CIMAP1A: variants seen among roughly 807,000 people sequenced by gnomAD.
CIMAP1A encodes the protein ciliary microtubule associated protein 1A.
the CIMAP1A span, chr11:198,795 A>G: frequency 7.0e-7 from 1 of 1,423,560 alleles, no homozygotes. Flanking sequence ...CCCTGGCCCC[A>G]GCATGGACCG....
chr11:198,746 G>A, the CIMAP1A span: 15 of 1,452,912 alleles, frequency 1.0e-5, no homozygotes, highest in African/African-American at 2.0e-4. Flanking sequence ...TTACACTGCA[G>A]TGGTGAGGAG....
At chr11:198,751 G>C in the CIMAP1A span, 13 of 1,449,262 alleles carry the variant, frequency 9.0e-6, no homozygotes, top group African/African-American at 1.9e-4. Flanking sequence ...CTGCAGTGGT[G>C]AGGAGGGGCA....
the CIMAP1A span, chr11:197,244 A>G: frequency 1.6e-6 from 2 of 1,242,702 alleles, no homozygotes; most frequent in Admixed American, 5.0e-5. Flanking sequence ...AGGGGCCGGC[A>G]TGGGACAGGG....
the CIMAP1A span, chr11:198,466 C>G: frequency 1.2e-6 from 2 of 1,613,252 alleles, no homozygotes; most frequent in Non-Finnish European, 1.7e-6. Context: ...CCCTGCAGGC[C>G]CCGCTGCGTA....
chr11:197,795 C>T, the CIMAP1A span: 1 of 1,602,548 alleles, frequency 6.2e-7, no homozygotes, highest in South Asian at 1.1e-5. Flanking sequence ...CTGCCCTGCG[C>T]AGCCTCAGGC....
chr11:198,880 AAAG>A, the CIMAP1A span: 2 of 1,279,320 alleles, frequency 1.6e-6, no homozygotes, highest in South Asian at 4.3e-5. Flanking sequence ...GGTAGCATGG[AAAG>A]AAGAGGAGGA....
the CIMAP1A span, chr11:197,553 G>A: frequency 1.8e-5 from 29 of 1,612,492 alleles, no homozygotes; most frequent in East Asian, 3.3e-4. Context: ...GGCCCATTGC[G>A]TCCACAGGCT....
chr11:199,855 G>A, the CIMAP1A span: 1 of 1,538,576 alleles, frequency 6.5e-7, no homozygotes, highest in African/African-American at 1.4e-5. Context: ...CCCAGGTTCA[G>A]GAAGGACAGC....
chr11:199,619 G>T, the CIMAP1A span: 1 of 1,451,716 alleles, frequency 6.9e-7, no homozygotes. Context: ...AGGGGAAACA[G>T]GGTCAGGCTA....
chr11:197,708 C>A, the CIMAP1A span: 1 of 1,613,798 alleles, frequency 6.2e-7, no homozygotes, highest in East Asian at 2.2e-5. Flanking sequence ...CTTGGCCCTG[C>A]CTACTCCATC....
At chr11:198,196 C>A in the CIMAP1A span, 1 of 1,613,194 alleles carries the variant, frequency 6.2e-7, no homozygotes, top group Non-Finnish European at 8.5e-7. Context: ...GCTCCTTGTC[C>A]AGGTGACTAC....
chr11:198,000 C>T, the CIMAP1A span: 1 of 1,536,448 alleles, frequency 6.5e-7, no homozygotes, highest in Non-Finnish European at 8.7e-7. Context: ...CCCACTCTCC[C>T]TGCTCAAAAA....
At chr11:198,491 T>C in the CIMAP1A span, 1 of 1,613,278 alleles carries the variant, frequency 6.2e-7, no homozygotes, top group Non-Finnish European at 8.5e-7. Flanking sequence ...CTGCCCATGG[T>C]AATGGGGCCC....
At chr11:198,560 G>A in the CIMAP1A span, 3 of 1,610,904 alleles carry the variant, frequency 1.9e-6, no homozygotes, top group Non-Finnish European at 2.5e-6. Flanking sequence ...AGCAAGCTGG[G>A]CGGCTTCAGC....
the CIMAP1A span, chr11:199,882 G>A: frequency 1.3e-6 from 2 of 1,594,936 alleles, no homozygotes; most frequent in Non-Finnish European, 1.7e-6. Context: ...GCCCCAGCCA[G>A]GGCAGAGACC....
the CIMAP1A span, chr11:200,016 C>T: frequency 6.2e-7 from 1 of 1,613,926 alleles, no homozygotes; most frequent in South Asian, 1.1e-5. Flanking sequence ...GACTCCCCTG[C>T]TGGTTGATGT....
chr11:197,015 G>A, the CIMAP1A span: 12 of 245,136 alleles, frequency 4.9e-5, no homozygotes, highest in Middle Eastern at 1.3e-3. Flanking sequence ...AGGAGAAACC[G>A]GCCCAGGGCT....
chr11:199,157 G>A, the CIMAP1A span: 1 of 1,414,914 alleles, frequency 7.1e-7, no homozygotes, highest in Non-Finnish European at 9.2e-7. Context: ...GCCAGCGTGA[G>A]GCTGAAATGG....
chr11:197,241 G>T, the CIMAP1A span: 4 of 1,197,604 alleles, frequency 3.3e-6, no homozygotes, highest in African/African-American at 1.5e-5. Context: ...ATCAGGGGCC[G>T]GCATGGGACA....
Sources: gnomAD v4.1 joint callset for allele counts on GRCh38, gnomAD v4.1.1 for gene constraint, MANE v1.5 for transcripts, NCBI Gene and HGNC (gene_info 2026-07-23, HGNC 2026-07-21) for gene names.